Variants in KANK4 observed in about 807,000 individuals in gnomAD.
The protein encoded by KANK4 is KN motif and ankyrin repeat domain-containing protein 4.
Under a neutral mutation model 80.8 loss-of-function variants are expected in KANK4, and 50 were observed. The observed-to-expected ratio is 0.62, with a 90% CI of 0.49 to 0.78. The LOEUF (loss-of-function observed/expected upper bound fraction) is 0.78, where lower values mean the gene tolerates loss of function less well. Among genes scored for constraint, KANK4 ranks in the 30% least tolerant of loss-of-function variants. The pLI, the probability that KANK4 is intolerant of heterozygous loss-of-function variation, is 0.00. For synonymous variants in KANK4, 465 were observed against 506.9 expected (o/e 0.92, Z 1.11); for missense variants, 1,196 against 1,240.1 (o/e 0.96, Z 0.53).
intron 2 of KANK4, among the ~76,000 whole-genome samples, chr1:62,278,397 CTTTTTTTT>C (rs199777200): frequency 1.0e-4 from 3 of 29,188 alleles, no homozygotes; most frequent in African/African-American, 1.3e-4. Context: ...TTCTTTCTTT[CTTTTTTTT>C]TTTTGAGATG....
At position 62,254,117 on chromosome 1, in the gene KANK4, A is replaced by G. The variant is rs1003905819; in HGVS notation, c.2540-908T>C. Among the ~76,000 whole-genome samples, 3 of 152,366 alleles carry G rather than the reference A, an allele frequency of 2.0e-5. No homozygotes were observed. The East Asian group carries it at 5.8e-4, about 29-fold the overall frequency. On this transcript the variant is annotated intron_variant, in intron 7 of 9. Coordinates refer to ENST00000371153, the MANE Select transcript of KANK4 (RefSeq NM_181712.5). ...AGGAGGGTGAACAACACCATGGGAT[A>G]AACGTGGGAAATCTTCTAAGAACAA...
chr1:62,307,258 A>C lies in KANK4; in HGVS notation c.-71+11848T>G, dbSNP rs182145667. Among the ~76,000 whole-genome samples, 1,059 of 152,136 alleles carry C rather than the reference A, an allele frequency of 7.0e-3. 11 individuals are homozygous for C. The highest frequency in any genetic ancestry group is 8.8e-3 in the Non-Finnish European group (597 of 67,988). ...AGCACTTTGGGAGGCTGAGGTGGGT[A>C]GATCGCCTGAGGTCAGGAGTTCGAG... On this transcript the variant is annotated intron_variant, in intron 1 of 9. Coordinates refer to ENST00000371153, the MANE Select transcript of KANK4 (RefSeq NM_181712.5).
At chr1:62,256,115 G>T (rs1161437123) in intron 7 of KANK4, among the ~76,000 whole-genome samples, 1 of 152,116 alleles carries the variant, frequency 6.6e-6, no homozygotes, top group Admixed American at 6.6e-5. Flanking sequence ...TTTATGTGTG[G>T]CCCAAGACAA....
intron 1 of KANK4, among the ~76,000 whole-genome samples, chr1:62,293,844 C>T (rs1268706194): frequency 5.3e-5 from 8 of 152,142 alleles, no homozygotes; most frequent in Non-Finnish European, 1.0e-4. Flanking sequence ...TTGGTTATTT[C>T]CTTCTCAGAA....
At position 62,274,151 on chromosome 1, in the gene KANK4, A is replaced by C. The variant is rs1252814215; in HGVS notation, c.953T>G (p.Val318Gly). 6.2e-7 allele frequency: 1 copy of C among 1,613,802 alleles called. No individual in the cohort carries two copies. The highest frequency in any genetic ancestry group is 8.5e-7 in the Non-Finnish European group (1 of 1,179,940). Residue 318 changes from valine to glycine, a missense_variant, in exon 3 of 10, where the codon GTG (valine) becomes GGG (glycine). By Grantham distance (109) the Val-to-Gly change is moderately radical. Transcript: ENST00000371153. ...SEIPPPPPVE[V>G]DMRSIGIRVT... ...CCTGATGCCAATGCTTCTCATGTCC[A>C]CCTCTACAGGTGGCGGGGGTGGAAT... is the stretch of plus-strand genomic sequence containing the variant.
chr1:62,291,035 C>A (rs977547985), intron 1 of KANK4, among the ~76,000 whole-genome samples: 1 of 152,162 alleles, frequency 6.6e-6, no homozygotes, highest in East Asian at 1.9e-4. Flanking sequence ...CAGGCATGAG[C>A]CACCACACCT....
intron 1 of KANK4, 134 bp downstream of exon 1, chr1:62,318,972 G>A (rs960676690): frequency 1.3e-5 from 2 of 152,494 alleles, no homozygotes; most frequent in African/African-American, 2.4e-5. Flanking sequence ...GCGGCGCTGG[G>A]GACTGGGCGA....
chr1:62,273,510 G>A lies in KANK4; in HGVS notation c.1594C>T (p.Pro532Ser). Residue 532 changes from proline to serine, a missense_variant, in exon 3 of 10, where the codon CCA becomes TCA. Coordinates refer to ENST00000371153, the MANE Select transcript of KANK4 (RefSeq NM_181712.5). ...FLWGSDRKTP[P>S]AGREETSSNL... The stretch of plus-strand genomic sequence containing the variant: ...GAACTGGTCTCCTCCCTCCCTGCTG[G>A]GGGAGTCTTTCTGTCGCTGCCCCAC... 6.2e-7 allele frequency: 1 copy of A among 1,613,746 alleles called. No homozygotes were observed. The highest frequency in any genetic ancestry group is 8.5e-7 in the Non-Finnish European group (1 of 1,179,772).
In KANK4 at chr1:62,274,829, G is replaced by A; in HGVS notation, c.275C>T (p.Ser92Phe). The A allele has an allele frequency of 1.2e-6, 2 of 1,614,132 alleles. No homozygotes were observed. Among genetic ancestry groups the A allele is most frequent in the Non-Finnish European group, 1.7e-6 (2 of 1,180,016 alleles). ...PPAAPPLQNW[S>F]PVVPREASLG... is the part of the protein sequence containing the mutation. ...TGATGCCTCCCTTGGCACCACGGGA[G>A]ACCAGTTTTGGAGGGGCGGGGCTGC... is the stretch of plus-strand genomic sequence containing the variant. The change falls in exon 3 of 10, where the codon TCT becomes TTT. Residue 92 changes from serine (S) to phenylalanine (F), a missense_variant. This residue lies in a region of KANK4 where 1,154 missense variants were observed against 1,179.6 expected (regional missense o/e 0.98). Coordinates refer to ENST00000371153, the MANE Select transcript of KANK4 (RefSeq NM_181712.5).
intron 8 of KANK4, among the ~76,000 whole-genome samples, chr1:62,249,995 C>CT (rs1036432562): frequency 5.7e-4 from 85 of 148,818 alleles, no homozygotes; most frequent in African/African-American, 1.8e-3. Flanking sequence ...CTTTTCTTTT[C>CT]TTTTTTTTGA....
chr1:62,280,035 A>C (rs146126710), intron 2 of KANK4, among the ~76,000 whole-genome samples: 42 of 152,354 alleles, frequency 2.8e-4, no homozygotes, highest in African/African-American at 9.1e-4. Flanking sequence ...AATTATCTGA[A>C]GGGACAAGTG....
chr1:62,286,759 C>G (rs944920025), intron 1 of KANK4, among the ~76,000 whole-genome samples: 6 of 152,130 alleles, frequency 3.9e-5, no homozygotes, highest in East Asian at 3.9e-4. Context: ...TTCCCTACCC[C>G]CTCCTGGGGC....
rs1557486759 is a variant in KANK4 at position 62,271,592 on chromosome 1, A to G, written c.1901-3T>C. 6.3e-7 allele frequency: 1 copy of G among 1,592,060 alleles called. No homozygotes were observed. Among genetic ancestry groups the G allele is most frequent in the East Asian group, 2.2e-5 (1 of 44,778 alleles). The stretch of plus-strand genomic sequence containing the variant: ...AAGGCTGGTCGATGGGGAGATCTCT[A>G]GGCAGACACAACATCACAGGTTAGA... On this transcript the variant is annotated splice_polypyrimidine_tract_variant and splice_region_variant and intron_variant, in intron 3 of 9. Coordinates refer to ENST00000371153, the MANE Select transcript of KANK4 (RefSeq NM_181712.5).
chr1:62,249,409 C>A (rs954143493), intron 8 of KANK4, among the ~76,000 whole-genome samples: 3 of 150,264 alleles, frequency 2.0e-5, no homozygotes, highest in African/African-American at 7.4e-5. Context: ...GACAGAATCT[C>A]GCTCTATTAC....
intron 1 of KANK4, among the ~76,000 whole-genome samples, chr1:62,288,757 G>C (rs139515051): frequency 2.6e-4 from 39 of 152,226 alleles, no homozygotes; most frequent in African/African-American, 9.1e-4. Flanking sequence ...AGACTTGCAA[G>C]GAAAAAGACC....
At chr1:62,308,347 T>A (rs1370341158) in intron 1 of KANK4, among the ~76,000 whole-genome samples, 2 of 152,094 alleles carry the variant, frequency 1.3e-5, no homozygotes, top group Admixed American at 1.3e-4. Flanking sequence ...CCTGGCCAGA[T>A]AATGTGCCTT....
At chr1:62,291,014 T>G in intron 1 of KANK4, among the ~76,000 whole-genome samples, 1 of 152,002 alleles carries the variant, frequency 6.6e-6, no homozygotes, top group East Asian at 1.9e-4. Context: ...CCTCCCAGAG[T>G]GCTGGGATTA....
At chr1:62,271,803 C>T (rs932156962) in intron 3 of KANK4, 6 of 496,038 alleles carry the variant, frequency 1.2e-5, no homozygotes, top group Admixed American at 3.2e-5. Flanking sequence ...GTTAACAATG[C>T]CCCTCTAAGT....
At chr1:62,264,804 T>A (rs766887574) in intron 6 of KANK4, among the ~76,000 whole-genome samples, 2 of 152,122 alleles carry the variant, frequency 1.3e-5, no homozygotes, top group Non-Finnish European at 1.5e-5. Flanking sequence ...AGGGGTGGAT[T>A]TTGTTTTTTG....
Sources: allele counts gnomAD v4.1 joint callset (sites outside exome capture counted in the v4.1 genomes callset), GRCh38; gene constraint gnomAD v4.1.1; regional missense constraint gnomAD v4.1.1; transcripts MANE v1.5; gene names NCBI Gene and HGNC (gene_info 2026-07-23, HGNC 2026-07-21).